Variants in RAD54B observed in about 807,000 individuals in gnomAD.
RAD54B encodes RAD54 homolog B, also known as DNA repair and recombination protein RAD54B.
In RAD54B, 78 loss-of-function variants were observed where a neutral mutation model predicts 95.8. The ratio of observed to expected loss-of-function variants is 0.81; its 90% CI spans 0.68 to 0.98. The LOEUF (loss-of-function observed/expected upper bound fraction) is 0.98, where lower values mean the gene tolerates loss of function less well. Ranked by LOEUF, RAD54B falls within the 50% of genes least tolerant of loss-of-function variation. The pLI is 0.00. For missense variants in RAD54B, 957 were observed against 1,056.6 expected, an observed-to-expected ratio of 0.91 and a Z score of 1.31; for synonymous variants, 328 against 354.9, an observed-to-expected ratio of 0.92 and a Z score of 0.85.
intron 3 of RAD54B, among the ~76,000 whole-genome samples, chr8:94,427,387 G>A (rs547328557): frequency 3.1e-4 from 47 of 151,820 alleles, no homozygotes; most frequent in African/African-American, 1.0e-3. Context: ...TCTCAAAATC[G>A]TATACAAAGA....
At position 94,436,408 on chromosome 8, in the gene RAD54B, A is replaced by T; in HGVS notation, c.304+21860T>A. 3.6e-6 allele frequency: 5 copies of T among 1,398,656 alleles called. No individual in the cohort carries two copies. In the South Asian group the frequency reaches 7.9e-5, roughly 22 times the overall value. 86.6% of individuals were successfully genotyped at this position (1,398,656 alleles called of 1,614,324 possible). A position where few individuals can be genotyped will look rare whatever the true frequency, so the allele number is the denominator to read the frequency against. ...CATTGCTCCCGTTGTGGGGATGCTT[A>T]CTATGCATATCTCTATCACGACTAA... On this transcript the variant is annotated intron_variant, in intron 3 of 14. Coordinates refer to ENST00000336148, the MANE Select transcript of RAD54B (RefSeq NM_012415.3).
At chr8:94,438,693 T>C (rs1357889651) in intron 3 of RAD54B, among the ~76,000 whole-genome samples, 1 of 152,226 alleles carries the variant, frequency 6.6e-6, no homozygotes, top group African/African-American at 2.4e-5. Flanking sequence ...ATGTTAAGAA[T>C]GAAACACTAC....
chr8:94,425,345 G>A (rs574192052), intron 3 of RAD54B, among the ~76,000 whole-genome samples: 6 of 147,676 alleles, frequency 4.1e-5, no homozygotes, highest in African/African-American at 7.5e-5. Context: ...ATGAGCCACC[G>A]CACCCAGCCT....
chr8:94,406,732 C>T (rs919026761), intron 5 of RAD54B, among the ~76,000 whole-genome samples: 4 of 152,096 alleles, frequency 2.6e-5, no homozygotes, highest in Non-Finnish European at 5.9e-5. Flanking sequence ...AAAGAAGTCA[C>T]CTCTATGTCT....
chr8:94,406,713 G>T (rs1284144191), intron 5 of RAD54B, among the ~76,000 whole-genome samples: 1 of 152,108 alleles, frequency 6.6e-6, no homozygotes, highest in Non-Finnish European at 1.5e-5. Context: ...TATACTTGCT[G>T]TTGTGAGGAA....
At chr8:94,406,025 CACAT>C (rs977864978) in intron 5 of RAD54B, among the ~76,000 whole-genome samples, 24 of 146,492 alleles carry the variant, frequency 1.6e-4, no homozygotes, top group African/African-American at 5.8e-4. Context: ...CACACACACA[CACAT>C]ATATATAAAA....
At chr8:94,436,497 T>G in intron 3 of RAD54B, 2 of 1,542,108 alleles carry the variant, frequency 1.3e-6, no homozygotes, top group Non-Finnish European at 1.7e-6. Context: ...AAGCTTACCT[T>G]TGTATGTGGT....
intron 1 of RAD54B, 121 bp downstream of exon 1, chr8:94,474,880 T>A (rs1813263767): frequency 2.0e-5 from 3 of 152,472 alleles, no homozygotes; most frequent in Admixed American, 6.5e-5. Flanking sequence ...GCCACTTCGG[T>A]CGCTCCTGCC....
intron 3 of RAD54B, among the ~76,000 whole-genome samples, chr8:94,438,297 T>C (rs1235852871): frequency 6.6e-6 from 1 of 152,254 alleles, no homozygotes; most frequent in African/African-American, 2.4e-5. Context: ...AGTGAAAGAT[T>C]GCTGGATGTT....
Position 94,404,239 on chromosome 8 carries a change from T to A in RAD54B, c.782A>T (p.Asn261Ile). 6.3e-7 allele frequency: 1 copy of A among 1,580,382 alleles called. No individual in the cohort carries two copies. The highest frequency in any genetic ancestry group is 8.6e-7 in the Non-Finnish European group (1 of 1,167,950). ...ATCTGGTCGTGGCATAACGAGGGAATCTTAAAAAATGATAAAAGTACAAGT... is the reference window on the plus strand; with the variant it reads ...ATCTGGTCGTGGCATAACGAGGGAAACTTAAAAAATGATAAAAGTACAAGT... ...CKPRHDPYTP[N>I]SLVMPRPDKN... The change falls in exon 6 of 15, where the codon AAT (asparagine) becomes ATT (isoleucine). Residue 261 changes from asparagine (N) to isoleucine (I), a missense_variant and splice_region_variant. Transcript: ENST00000336148.
At chr8:94,403,067 G>A (rs1423258697) in intron 6 of RAD54B, among the ~76,000 whole-genome samples, 4 of 152,206 alleles carry the variant, frequency 2.6e-5, no homozygotes, top group African/African-American at 9.6e-5. Context: ...GTTTCTGGAA[G>A]ACAGTATTCC....
chr8:94,408,264 C>T (rs1380836556), intron 4 of RAD54B, among the ~76,000 whole-genome samples: 20 of 152,162 alleles, frequency 1.3e-4, no homozygotes, highest in South Asian at 1.0e-3. Context: ...TAATATTAAG[C>T]TTGTTTGAAT....
At chr8:94,386,901 A>G (rs906965121) in intron 11 of RAD54B, 83 bp downstream of exon 11, 6 of 955,820 alleles carry the variant, frequency 6.3e-6, no homozygotes, top group Non-Finnish European at 8.6e-6. Context: ...ATGTTTTCTT[A>G]TTTTAAAAGG....
chr8:94,427,573 A>G (rs977179000), intron 3 of RAD54B: 1 of 300,060 alleles, frequency 3.3e-6, no homozygotes, highest in African/African-American at 2.3e-5. Context: ...ATGAAATGTG[A>G]TATTTAGATA....
At chr8:94,450,454 CA>C (rs1447558312) in intron 3 of RAD54B, among the ~76,000 whole-genome samples, 3 of 152,158 alleles carry the variant, frequency 2.0e-5, no homozygotes, top group Non-Finnish European at 4.4e-5. Context: ...AAAAGTTAAG[CA>C]ATCCACAAAT....
chr8:94,431,542 T>C, intron 3 of RAD54B: 3 of 968,492 alleles, frequency 3.1e-6, no homozygotes, highest in Non-Finnish European at 3.7e-6. Context: ...TGGTCTCTGC[T>C]CTGCCATAAA....
intron 3 of RAD54B, among the ~76,000 whole-genome samples, chr8:94,441,899 A>T (rs1812406648): frequency 6.6e-6 from 1 of 152,260 alleles, no homozygotes; most frequent in Non-Finnish European, 1.5e-5. Context: ...CCAAACATAT[A>T]TTCCACAATA....
intron 3 of RAD54B, among the ~76,000 whole-genome samples, chr8:94,446,450 G>A (rs952714403): frequency 3.9e-5 from 6 of 152,140 alleles, no homozygotes; most frequent in Admixed American, 2.6e-4. Flanking sequence ...AATATATAAA[G>A]CAAGGGAAAG....
intron 3 of RAD54B, chr8:94,427,702 A>G (rs1230588322): frequency 1.0e-6 from 1 of 983,248 alleles, no homozygotes; most frequent in East Asian, 1.1e-4. Context: ...ACACAAAAAA[A>G]GTACACAAAT....
Sources: allele counts gnomAD v4.1 joint callset (sites outside exome capture counted in the v4.1 genomes callset), GRCh38; gene constraint gnomAD v4.1.1; transcripts MANE v1.5; gene names NCBI Gene and HGNC (gene_info 2026-07-23, HGNC 2026-07-21).